The following UXS1 variants were observed in gnomAD, a reference collection of about 807,000 sequenced individuals.
UXS1 encodes UDP-glucuronic acid decarboxylase 1.
Under a neutral mutation model 62.6 loss-of-function variants are expected in UXS1, and 33 were observed. That is an observed-to-expected ratio of 0.53 (90% CI 0.40 to 0.70). The LOEUF is 0.70. Ranked by LOEUF, UXS1 falls within the 30% of genes least tolerant of loss-of-function variation. The pLI, the probability that UXS1 is intolerant of heterozygous loss-of-function variation, is 0.00. For synonymous variants in UXS1, 213 were observed against 206.8 expected (o/e 1.03, Z -0.26); for missense variants, 434 against 556.3 (o/e 0.78, Z 2.21).
At chr2:106,148,892 G>A (rs1016551484) in intron 5 of UXS1, among the ~76,000 whole-genome samples, 5 of 152,284 alleles carry the variant, frequency 3.3e-5, no homozygotes, top group South Asian at 2.1e-4. Flanking sequence ...GAACTTACAC[G>A]GCTTTGCATG....
At chr2:106,100,456 GATTTCTGGTCCA>G (rs1677498193) in intron 12 of UXS1, among the ~76,000 whole-genome samples, 1 of 152,206 alleles carries the variant, frequency 6.6e-6, no homozygotes, top group African/African-American at 2.4e-5. Context: ...CAGAAAGTGA[GATTTCTGGTCCA>G]ATATGAGGAA....
chr2:106,155,718 A>C (rs898840300), intron 5 of UXS1, among the ~76,000 whole-genome samples: 1 of 152,136 alleles, frequency 6.6e-6, no homozygotes, highest in African/African-American at 2.4e-5. Flanking sequence ...TTAATAATGC[A>C]TTTCTCAGAA....
intron 1 of UXS1, among the ~76,000 whole-genome samples, chr2:106,180,868 G>C (rs1684198689): frequency 6.6e-6 from 1 of 152,186 alleles, no homozygotes; most frequent in Admixed American, 6.5e-5. Flanking sequence ...TATCAATGAT[G>C]CCTGGTGTGG....
chr2:106,156,611 A>T (rs1682448836), intron 5 of UXS1, among the ~76,000 whole-genome samples: 1 of 152,240 alleles, frequency 6.6e-6, no homozygotes, highest in African/African-American at 2.4e-5. Context: ...CAGGTTCCGC[A>T]TATAAAATAG....
At chr2:106,167,645 A>G (rs144165986) in intron 1 of UXS1, among the ~76,000 whole-genome samples, 3 of 152,322 alleles carry the variant, frequency 2.0e-5, no homozygotes, top group African/African-American at 7.2e-5. Flanking sequence ...AAATAAATAA[A>G]AGTGGCAAGA....
At chr2:106,177,440 C>T (rs1683958672) in intron 1 of UXS1, among the ~76,000 whole-genome samples, 2 of 152,142 alleles carry the variant, frequency 1.3e-5, no homozygotes, top group Admixed American at 1.3e-4. Flanking sequence ...AGGTGAACCA[C>T]CTTTTTCGGC....
At chr2:106,127,895 A>G (rs1680094867) in intron 7 of UXS1, among the ~76,000 whole-genome samples, 1 of 152,170 alleles carries the variant, frequency 6.6e-6, no homozygotes, top group Non-Finnish European at 1.5e-5. Flanking sequence ...TAACTCTAAC[A>G]GCACTTTGCT....
chr2:106,161,223 C>T (rs1185443153), intron 4 of UXS1, among the ~76,000 whole-genome samples: 1 of 151,514 alleles, frequency 6.6e-6, no homozygotes, highest in Non-Finnish European at 1.5e-5. Context: ...CAAGGTCTTA[C>T]ACTCTGTCAC....
chr2:106,097,518 G>A, intron 13 of UXS1: 1 of 304,028 alleles, frequency 3.3e-6, no homozygotes, highest in Non-Finnish European at 6.7e-6. Flanking sequence ...CTGTCACAAA[G>A]CTATATACAG....
At chr2:106,108,801 T>C (rs960059020) in intron 10 of UXS1, among the ~76,000 whole-genome samples, 12 of 152,162 alleles carry the variant, frequency 7.9e-5, no homozygotes, top group Non-Finnish European at 2.9e-5. Flanking sequence ...GTGCTTTATG[T>C]GTTTAAGATG....
intron 6 of UXS1, among the ~76,000 whole-genome samples, chr2:106,143,438 A>AAAAAAAAAG (rs1558719565): frequency 1.6e-5 from 2 of 122,258 alleles, no homozygotes; most frequent in Admixed American, 8.3e-5. Flanking sequence ...AAAAAAAAAA[A>AAAAAAAAAG]GGTATAATTT....
At chr2:106,111,580 C>T (rs1414188041) in intron 10 of UXS1, among the ~76,000 whole-genome samples, 1 of 152,128 alleles carries the variant, frequency 6.6e-6, no homozygotes, top group Admixed American at 6.5e-5. Flanking sequence ...ACCCAGGCTA[C>T]CACTGTGTGG....
At chr2:106,173,151 G>A (rs1410666310) in intron 1 of UXS1, among the ~76,000 whole-genome samples, 1 of 152,198 alleles carries the variant, frequency 6.6e-6, no homozygotes, top group Non-Finnish European at 1.5e-5. Context: ...TTTGTTCAGT[G>A]CTGTTATCTA....
Position 106,123,055 on chromosome 2 carries a change from C to A in UXS1, c.674G>T (p.Gly225Val). ...EVHPQSEDYW[G>V]HVNPIGPRAC... Reference sequence around the variant, plus strand: ...CCGAGGTCCTATTGGATTCACGTGGCCCCAGTAATCCTCACTTTGAGGGTG... The same window carrying A: ...CCGAGGTCCTATTGGATTCACGTGGACCCAGTAATCCTCACTTTGAGGGTG... The change falls in exon 9 of 15, where the codon GGC becomes GTC. Residue 225 changes from glycine to valine, a missense_variant. Coordinates refer to ENST00000283148, the MANE Select transcript of UXS1 (RefSeq NM_001253875.2). The A allele has an allele frequency of 6.2e-7, 1 of 1,613,966 alleles. No homozygotes were observed. The highest frequency in any genetic ancestry group is 8.5e-7 in the Non-Finnish European group (1 of 1,179,866).
intron 1 of UXS1, among the ~76,000 whole-genome samples, chr2:106,182,805 C>A (rs1404280265): frequency 8.3e-6 from 1 of 119,974 alleles, no homozygotes; most frequent in African/African-American, 3.2e-5. Flanking sequence ...TGCATTTCAG[C>A]ATCTACACTG....
At chr2:106,143,253 C>CA (rs945523817) in intron 6 of UXS1, among the ~76,000 whole-genome samples, 4 of 150,542 alleles carry the variant, frequency 2.7e-5, no homozygotes, top group Admixed American at 6.6e-5. Context: ...CTAAAAAATA[C>CA]AAAAAATCAG....
chr2:106,156,968 T>A (rs1180276231), intron 5 of UXS1, among the ~76,000 whole-genome samples: 1 of 152,150 alleles, frequency 6.6e-6, no homozygotes, highest in Non-Finnish European at 1.5e-5. Flanking sequence ...CCTGAAAACA[T>A]ACTAAGTGAG....
intron 9 of UXS1, among the ~76,000 whole-genome samples, chr2:106,116,867 T>C (rs953456104): frequency 3.3e-5 from 5 of 152,224 alleles, no homozygotes; most frequent in African/African-American, 4.8e-5. Flanking sequence ...CAAACGTTCA[T>C]GGACCTGGTT....
At position 106,190,755 on chromosome 2, in the gene UXS1, A is replaced by AAAG. The variant is rs1338942597; in HGVS notation, c.94+3392_94+3393insCTT. The stretch of plus-strand genomic sequence containing the variant: ...CGAAACTCTGTATCAAAAAAAAAAA[A>AAAG]AAAAGAAATGAAGTGCCTGCTTCTG... On this transcript the variant is annotated intron_variant, in intron 1 of 14. Transcript: ENST00000283148. Among the ~76,000 whole-genome samples the AAAG allele has an allele frequency of 2.2e-4, 33 of 151,590 alleles. 1 individual carries two copies. Among genetic ancestry groups the AAAG allele is most frequent in the Admixed American group, 1.1e-3 (16 of 15,224 alleles).
Sources: gnomAD v4.1 joint callset for allele counts (sites outside exome capture counted in the v4.1 genomes callset) on GRCh38, gnomAD v4.1.1 for gene constraint, MANE v1.5 for transcripts, NCBI Gene and HGNC (gene_info 2026-07-23, HGNC 2026-07-21) for gene names.